RBPJ: variants seen among roughly 807,000 people sequenced by gnomAD.
RBPJ encodes recombination signal binding protein for immunoglobulin kappa J region.
A neutral mutation model predicts 67.8 loss-of-function variants in RBPJ; 9 were observed. The ratio of observed to expected loss-of-function variants is 0.13; its 90% CI spans 0.08 to 0.23. The LOEUF (loss-of-function observed/expected upper bound fraction) is 0.23. Among genes scored for constraint, RBPJ ranks in the 10% least tolerant of loss-of-function variants. The pLI is 1.00. For synonymous variants in RBPJ, 198 were observed against 203.3 expected, an observed-to-expected ratio of 0.97 and a Z score of 0.22; for missense variants, 305 against 595.6, an observed-to-expected ratio of 0.51 and a Z score of 5.08.
intron 1 of RBPJ, chr4:26,367,932 A>G (rs1027811801): frequency 3.3e-5 from 5 of 152,240 alleles, no homozygotes; most frequent in Admixed American, 1.3e-4. Flanking sequence ...GAATTTGTAC[A>G]TTAGTTTTCT....
chr4:26,427,717 G>A (rs965705534), intron 7 of RBPJ, among the ~76,000 whole-genome samples: 4 of 152,202 alleles, frequency 2.6e-5, no homozygotes, highest in African/African-American at 9.7e-5. Flanking sequence ...CAGGAGATTG[G>A]ACAGTGAGGA....
At chr4:26,109,323 C>T in the RBPJ span, among the ~76,000 whole-genome samples, 53 of 150,150 alleles carry the variant, frequency 3.5e-4, 1 homozygote, top group Non-Finnish European at 8.9e-5. Context: ...CCAGGCTGGT[C>T]TCGAACTCCT....
intron 1 of RBPJ, among the ~76,000 whole-genome samples, chr4:26,246,226 C>G (rs970060945): frequency 2.6e-5 from 4 of 152,162 alleles, no homozygotes; most frequent in African/African-American, 9.7e-5. Flanking sequence ...TTTAGGTCTT[C>G]TTTAATTTAT....
intron 1 of RBPJ, among the ~76,000 whole-genome samples, chr4:26,208,999 C>A (rs1718266282): frequency 6.6e-6 from 1 of 151,694 alleles, no homozygotes. Flanking sequence ...GTTCCTTATT[C>A]ATTTTTTCTT....
chr4:26,196,295 T>C (rs767079020), intron 1 of RBPJ, among the ~76,000 whole-genome samples: 5 of 152,212 alleles, frequency 3.3e-5, no homozygotes, highest in Non-Finnish European at 5.9e-5. Flanking sequence ...GAATGAACCT[T>C]GAAAAACCTT....
chr4:26,286,662 A>T (rs562325285), intron 1 of RBPJ, among the ~76,000 whole-genome samples: 1 of 152,132 alleles, frequency 6.6e-6, no homozygotes, highest in South Asian at 2.1e-4. Flanking sequence ...TTAGGCTTAA[A>T]TTTTTTGATT....
At chr4:26,386,648 A>G (rs1413702763) in intron 2 of RBPJ, among the ~76,000 whole-genome samples, 1 of 152,212 alleles carries the variant, frequency 6.6e-6, no homozygotes, top group Non-Finnish European at 1.5e-5. Flanking sequence ...TGAATACAAC[A>G]TGGACGGCAG....
intron 3 of RBPJ, among the ~76,000 whole-genome samples, chr4:26,408,495 A>G (rs1733700710): frequency 6.6e-6 from 1 of 152,110 alleles, no homozygotes; most frequent in African/African-American, 2.4e-5. Flanking sequence ...TTTTTAAGCA[A>G]AACAGAAAAA....
At chr4:26,316,687 C>T (rs1445469226), upstream of RBPJ, among the ~76,000 whole-genome samples, 1 of 136,722 alleles carries the variant, frequency 7.3e-6, no homozygotes, top group Non-Finnish European at 1.5e-5. Context: ...TATATATATA[C>T]ACATATTGTG....
chr4:26,317,987 A>T (rs11726888), upstream of RBPJ, among the ~76,000 whole-genome samples: 62,896 of 152,090 alleles, frequency 0.41, 15,613 homozygotes, highest in Admixed American at 0.57. Flanking sequence ...GACAGCTCCA[A>T]GGAATATGTG....
intron 1 of RBPJ, among the ~76,000 whole-genome samples, chr4:26,263,051 C>T (rs1720591317): frequency 6.6e-6 from 1 of 152,174 alleles, no homozygotes; most frequent in Admixed American, 6.6e-5. Context: ...GAAACCTTCC[C>T]AGTTTTCCTG....
At chr4:26,386,929 T>C (rs1730974414) in intron 2 of RBPJ, among the ~76,000 whole-genome samples, 1 of 152,100 alleles carries the variant, frequency 6.6e-6, no homozygotes, top group Non-Finnish European at 1.5e-5. Flanking sequence ...TCTATGGCCA[T>C]GTCCTAGAGT....
At chr4:26,184,069 C>G (rs769957182) in intron 1 of RBPJ, among the ~76,000 whole-genome samples, 10 of 151,598 alleles carry the variant, frequency 6.6e-5, no homozygotes, top group Non-Finnish European at 1.3e-4. Flanking sequence ...GCAGTCCCAA[C>G]TACTCTTGAG....
At chr4:26,203,547 A>G (rs1330976160) in intron 1 of RBPJ, among the ~76,000 whole-genome samples, 1 of 152,128 alleles carries the variant, frequency 6.6e-6, no homozygotes, top group Non-Finnish European at 1.5e-5. Context: ...AAGCTCGGTG[A>G]GAGAAGGGAC....
rs111065421 is a variant in RBPJ, at chr4:26,215,116, A to G, written c.-167+51502A>G. ...GAAAGAGAAAGAAAGAAAAAGAAAG[A>G]AAGGAAAGAGAAACAAGGAAGGAAG... On this transcript the variant is annotated intron_variant, in intron 1 of 4. Coordinates refer to the RBPJ transcript ENST00000512351. 2.5e-3 allele frequency among the ~76,000 whole-genome samples: 29 copies of G among 11,722 alleles called. 1 individual carries two copies. In the East Asian group the frequency reaches 0.071, roughly 29 times the overall value. 7.7% of individuals were successfully genotyped at this position (11,722 alleles called of 152,430 possible). A position where few individuals can be genotyped will look rare whatever the true frequency, so the allele number is the denominator to read the frequency against.
At chr4:26,272,849 T>C (rs531184487) in intron 1 of RBPJ, 11 of 319,830 alleles carry the variant, frequency 3.4e-5, no homozygotes, top group South Asian at 2.8e-4. Flanking sequence ...AACCATACAT[T>C]GCGCAGAAAG....
intron 2 of RBPJ, among the ~76,000 whole-genome samples, chr4:26,389,094 T>G (rs1051472494): frequency 6.6e-6 from 1 of 151,884 alleles, no homozygotes; most frequent in Admixed American, 6.6e-5. Context: ...CCAGGAGTTG[T>G]GGCACGTGCC....
At chr4:26,241,346 A>G (rs936300426) in intron 1 of RBPJ, among the ~76,000 whole-genome samples, 1 of 152,226 alleles carries the variant, frequency 6.6e-6, no homozygotes, top group Non-Finnish European at 1.5e-5. Flanking sequence ...AGACTTAAGC[A>G]GAAGAAAAAT....
upstream of RBPJ, among the ~76,000 whole-genome samples, chr4:26,318,144 CA>C (rs1288544969): frequency 6.6e-6 from 1 of 152,090 alleles, no homozygotes; most frequent in African/African-American, 2.4e-5. Flanking sequence ...CACACACACA[CA>C]CACACCCCTA....
Sources: gnomAD v4.1 joint callset for allele counts (sites outside exome capture counted in the v4.1 genomes callset) on GRCh38, gnomAD v4.1.1 for gene constraint, MANE v1.5 for transcripts, NCBI Gene and HGNC (gene_info 2026-07-23, HGNC 2026-07-21) for gene names.